DTX3: variants seen among roughly 807,000 people sequenced by gnomAD.
DTX3 encodes E3 ubiquitin-protein ligase DTX3.
DTX3 carries 10 observed loss-of-function variants against 27.4 expected under a neutral mutation model. The observed-to-expected ratio is 0.36, with a 90% confidence interval of 0.22 to 0.62. DTX3 has a LOEUF of 0.62. Ranked by LOEUF, DTX3 falls within the 20% of genes least tolerant of loss-of-function variation. DTX3 has a pLI of 0.68. For missense variants in DTX3, 319 were observed against 463.8 expected (o/e 0.69, Z 2.87); for synonymous variants, 171 against 190.7 (o/e 0.90, Z 0.85).
At position 57,607,603 on chromosome 12, in the gene DTX3, G is replaced by C; in HGVS notation, c.740G>C (p.Gly247Ala). ...TIVIQYVFPP[G>A]VQGAEHPNPG... ...GTCATCCAGTACGTCTTCCCGCCCG[G>C]TGTCCAGGGGGTAAGAAGACCATGG... is the stretch of plus-strand genomic sequence containing the variant. The change falls in exon 5 of 7, where the codon GGT (glycine) becomes GCT (alanine). Residue 247 changes from glycine to alanine, a missense_variant. Transcript: ENST00000337737. This position sits in a 1 kb window ranked among gnomAD's most constrained non-coding sequence, Gnocchi z 7.7. 1 of 1,614,112 alleles carries C rather than the reference G, an allele frequency of 6.2e-7. No homozygotes were observed. The highest frequency in any genetic ancestry group is 8.5e-7 in the Non-Finnish European group (1 of 1,180,020).
rs1435195629 is a variant in DTX3, at chr12:57,605,744, A to G, written c.-139+13A>G. On this transcript the variant is annotated intron_variant, in intron 2 of 6. Coordinates refer to ENST00000337737, the MANE Select transcript of DTX3 (RefSeq NM_178502.4). ...CTGGGTTTAAAAGGTGACAATGAGA[A>G]CTTTGTTATTGCAGGGGCTGCTGCC... 6.6e-6 allele frequency: 1 copy of G among 152,208 alleles called. No homozygotes were observed. Among genetic ancestry groups the G allele is most frequent in the Non-Finnish European group, 1.5e-5 (1 of 68,058 alleles). The allele number at this position is 152,208 out of a possible 1,614,324, so 9.4% of individuals were successfully genotyped here.
rs1594954869 is a variant in DTX3 at position 57,609,470 on chromosome 12, A to C, written c.*318A>C. On this transcript the variant is annotated 3_prime_UTR_variant, in exon 7 of 7. Transcript: ENST00000337737. ...TTTCTGGTATGTGCTGTGCTCCACG[A>C]CCAAGCCGAGAAAGGACCTAGGGTG... 3.5e-6 allele frequency: 1 copy of C among 287,430 alleles called. No individual in the cohort carries two copies. Among genetic ancestry groups the C allele is most frequent in the Non-Finnish European group, 6.7e-6 (1 of 149,854 alleles). 17.8% of individuals were successfully genotyped at this position (287,430 alleles called of 1,614,324 possible).
intron 1 of DTX3, chr12:57,605,250 G>A (rs1883666504): frequency 6.6e-6 from 1 of 152,318 alleles, no homozygotes; most frequent in Non-Finnish European, 1.5e-5. Flanking sequence ...CTGTCTGGAG[G>A]GAGAGACTGG....
At chr12:57,606,405 GGGTTTCTCACTTTCC>G in intron 3 of DTX3, 23 bp from the exon 4 acceptor site, 1 of 1,534,378 alleles carries the variant, frequency 6.5e-7, no homozygotes, top group African/African-American at 1.4e-5. Context: ...TTGGGAGAAG[GGGTTTCTCACTTTCC>G]TTCCATTTTT....
chr12:57,608,192 T>C lies in DTX3; in HGVS notation c.751-328T>C, dbSNP rs1265233017. Among the ~76,000 whole-genome samples, 1 of 152,236 alleles carries C rather than the reference T, an allele frequency of 6.6e-6. No individual in the cohort carries two copies. The highest frequency in any genetic ancestry group is 1.9e-4 in the East Asian group (1 of 5,204). ...GGGAAGGCTGAAAGATAGATTATTC[T>C]GTCTTCACATTTTTGCTGAGTTGTC... On this transcript the variant is annotated intron_variant, in intron 5 of 6. Coordinates refer to ENST00000337737, the MANE Select transcript of DTX3 (RefSeq NM_178502.4). The surrounding 1 kb of genome is among the most constrained non-coding windows in gnomAD (Gnocchi z 6.1).
Position 57,608,874 on chromosome 12 carries a change from C to T in DTX3, c.968+137C>T. ...CCAAACTGTTCAGCCATCTCAGTTTCTCCTACATTCAACCTGGTCCTGGTG... is the reference window on the plus strand; with the variant it reads ...CCAAACTGTTCAGCCATCTCAGTTTTTCCTACATTCAACCTGGTCCTGGTG... On this transcript the variant is annotated intron_variant, in intron 6 of 6. Transcript: ENST00000337737. This position sits in a 1 kb window ranked among gnomAD's most constrained non-coding sequence, Gnocchi z 6.1. The T allele has an allele frequency of 8.5e-7, 1 of 1,171,180 alleles. No individual in the cohort carries two copies. The highest frequency in any genetic ancestry group is 1.2e-6 in the Non-Finnish European group (1 of 803,340). The allele number at this position is 1,171,180 out of a possible 1,614,324, so 72.5% of individuals were successfully genotyped here. A position where few individuals can be genotyped will look rare whatever the true frequency, so the allele number is the denominator to read the frequency against.
Position 57,608,617 on chromosome 12 carries a change from G to A in DTX3, c.848G>A (p.Arg283His). Residue 283 changes from arginine to histidine, a missense_variant, in exon 6 of 7, where the codon CGC becomes CAC. Arg to His is a conservative substitution (Grantham distance 29). Coordinates refer to ENST00000337737, the MANE Select transcript of DTX3 (RefSeq NM_178502.4). The surrounding 1 kb of genome is among the most constrained non-coding windows in gnomAD (Gnocchi z 6.1). ...GGCAACAAGGTGCTGACCCTGTTCC[G>A]CAAGGCGTTTGACCAGCGTCTCACC... ...PEGNKVLTLFRKAFDQRLTFT... is the reference protein window; with the variant it reads ...PEGNKVLTLFHKAFDQRLTFT... 2 of 1,614,166 alleles carry A rather than the reference G, an allele frequency of 1.2e-6. No homozygotes were observed. Among genetic ancestry groups the A allele is most frequent in the Non-Finnish European group, 1.7e-6 (2 of 1,180,026 alleles).
rs376657147 is a variant in DTX3, at chr12:57,608,624, G to A, written c.855G>A (p.Ala285=). 1.9e-5 allele frequency: 30 copies of A among 1,614,088 alleles called. No individual in the cohort carries two copies. Among genetic ancestry groups the A allele is most frequent in the East Asian group, 2.2e-5 (1 of 44,902 alleles). Residue 285 remains alanine (A), a synonymous_variant, in exon 6 of 7, where the codon GCG becomes GCA. Transcript: ENST00000337737. The surrounding 1 kb of genome is among the most constrained non-coding windows in gnomAD (Gnocchi z 6.1). Reference sequence around the variant, plus strand: ...AGGTGCTGACCCTGTTCCGCAAGGCGTTTGACCAGCGTCTCACCTTCACTA... The same window carrying A: ...AGGTGCTGACCCTGTTCCGCAAGGCATTTGACCAGCGTCTCACCTTCACTA... ...GNKVLTLFRK[A]FDQRLTFTIG...
At chr12:57,609,040 GC>G (rs1344242330) in intron 6 of DTX3, 36 bp from the exon 7 acceptor site, 6 of 1,594,078 alleles carry the variant, frequency 3.8e-6, no homozygotes, top group Non-Finnish European at 4.3e-6. Context: ...AGTTCAAACA[GC>G]TAACAACCCT....
Position 57,607,613 on chromosome 12 carries a change from G to T in DTX3, c.750G>T (p.Gly250=). The T allele has an allele frequency of 1.2e-6, 2 of 1,614,066 alleles. No homozygotes were observed. The highest frequency in any genetic ancestry group is 1.7e-6 in the Non-Finnish European group (2 of 1,180,012). ...ACGTCTTCCCGCCCGGTGTCCAGGG[G>T]GTAAGAAGACCATGGCCTGCCCTTA... The part of the protein sequence containing the change: ...IQYVFPPGVQ[G]AEHPNPGVRY... Residue 250 remains glycine, a splice_region_variant and synonymous_variant, in exon 5 of 7, where the codon GGG becomes GGT. Coordinates refer to ENST00000337737, the MANE Select transcript of DTX3 (RefSeq NM_178502.4). This position sits in a 1 kb window ranked among gnomAD's most constrained non-coding sequence, Gnocchi z 7.7.
rs1565722538 is a variant in DTX3 at position 57,608,657 on chromosome 12, G to A, written c.888G>A (p.Thr296=). 4 of 1,614,132 alleles carry A rather than the reference G, an allele frequency of 2.5e-6. No individual in the cohort carries two copies. Among genetic ancestry groups the A allele is most frequent in the African/African-American group, 2.7e-5 (2 of 75,034 alleles). Residue 296 remains threonine, a synonymous_variant, in exon 6 of 7, where the codon ACG becomes ACA. Coordinates refer to ENST00000337737, the MANE Select transcript of DTX3 (RefSeq NM_178502.4). The surrounding 1 kb of genome is among the most constrained non-coding windows in gnomAD (Gnocchi z 6.1). The part of the protein sequence containing the change: ...FDQRLTFTIG[T]SMTTGRPNVI... ...AGCGTCTCACCTTCACTATCGGCAC[G>A]TCCATGACCACAGGGAGACCGAATG...
rs138250372 is a variant in DTX3, at chr12:57,608,200, C to T, written c.751-320C>T. ...TGAAAGATAGATTATTCTGTCTTCA[C>T]ATTTTTGCTGAGTTGTCTGGAGTGT... On this transcript the variant is annotated intron_variant, in intron 5 of 6. Transcript: ENST00000337737. The surrounding 1 kb of genome is among the most constrained non-coding windows in gnomAD (Gnocchi z 6.1). 1.5e-3 allele frequency among the ~76,000 whole-genome samples: 221 copies of T among 152,294 alleles called. No individual in the cohort carries two copies. Among genetic ancestry groups the T allele is most frequent in the African/African-American group, 5.2e-3 (217 of 41,560 alleles).
chr12:57,606,777 G>C, intron 4 of DTX3, 88 bp from the exon 5 acceptor site: 3 of 1,491,958 alleles, frequency 2.0e-6, no homozygotes, highest in Middle Eastern at 1.8e-4. Flanking sequence ...AGAGGTAATA[G>C]AGGGTTTGGA....
At position 57,607,030 on chromosome 12, in the gene DTX3, A is replaced by T; in HGVS notation, c.167A>T (p.Asp56Val). 6.2e-7 allele frequency: 1 copy of T among 1,614,140 alleles called. No individual in the cohort carries two copies. The highest frequency in any genetic ancestry group is 8.5e-7 in the Non-Finnish European group (1 of 1,180,012). ...ATCCTCATAGATGGCGAGACTTCTG[A>T]CATCTATGTTCTCCAGCTTTCCCCA... is the stretch of plus-strand genomic sequence containing the variant. Reference protein sequence around the residue: ...VSILIDGETSDIYVLQLSPQG... With the variant: ...VSILIDGETSVIYVLQLSPQG... Residue 56 changes from aspartate to valine, a missense_variant, in exon 5 of 7, where the codon GAC becomes GTC. Physicochemically the swap from Asp to Val is radical, Grantham distance 152. Coordinates refer to ENST00000337737, the MANE Select transcript of DTX3 (RefSeq NM_178502.4). The surrounding 1 kb of genome is among the most constrained non-coding windows in gnomAD (Gnocchi z 7.7).
Position 57,608,794 on chromosome 12 carries a change from T to C in DTX3, c.968+57T>C, listed in dbSNP as rs1883871101. 1 of 1,583,424 alleles carries C rather than the reference T, an allele frequency of 6.3e-7. No homozygotes were observed. On this transcript the variant is annotated intron_variant, in intron 6 of 6. Coordinates refer to ENST00000337737, the MANE Select transcript of DTX3 (RefSeq NM_178502.4). The surrounding 1 kb of genome is among the most constrained non-coding windows in gnomAD (Gnocchi z 6.1). ...CTCCTCCCCTTTGTTCCATTTCCACTGAGGGACCCACCAACCCCTCGCTCA... is the reference window on the plus strand; with the variant it reads ...CTCCTCCCCTTTGTTCCATTTCCACCGAGGGACCCACCAACCCCTCGCTCA...
In DTX3 at chr12:57,609,134, G is replaced by A. The variant is rs773596800; in HGVS notation, c.1026G>A (p.Lys342=). ...GGGTGCAAGAGGAGCTGAGAGCGAA[G>A]GGTATCACAGATGACTGAAGGACAT... ...LTRVQEELRA[K]GITDD The change falls in exon 7 of 7, where the codon AAG becomes AAA. Residue 342 remains lysine (K), a synonymous_variant. Transcript: ENST00000337737. 1.2e-6 allele frequency: 2 copies of A among 1,614,164 alleles called. No homozygotes were observed. Among genetic ancestry groups the A allele is most frequent in the Admixed American group, 3.3e-5 (2 of 60,018 alleles).
At chr12:57,606,605 T>C (rs1013426483) in intron 4 of DTX3, 87 bp downstream of exon 4, 5 of 1,548,628 alleles carry the variant, frequency 3.2e-6, no homozygotes, top group African/African-American at 1.4e-5. Flanking sequence ...GTTGTTTCTA[T>C]GATCTGGGAG....
rs1313649543 is a variant in DTX3, at chr12:57,608,546, G to T, written c.777G>T (p.Arg259=). 1.9e-6 allele frequency: 3 copies of T among 1,606,578 alleles called. No individual in the cohort carries two copies. In the Admixed American group the frequency reaches 5.0e-5, roughly 27 times the overall value. ...CTGAACACCCAAACCCAGGAGTTCG[G>T]TATCCTGGCACCACACGGGTGGCCT... is the stretch of plus-strand genomic sequence containing the variant. ...QGAEHPNPGV[R]YPGTTRVAYL... The change falls in exon 6 of 7, where the codon CGG becomes CGT. Residue 259 remains arginine, a synonymous_variant. Coordinates refer to ENST00000337737, the MANE Select transcript of DTX3 (RefSeq NM_178502.4). This position sits in a 1 kb window ranked among gnomAD's most constrained non-coding sequence, Gnocchi z 6.1.
chr12:57,609,666 C>G lies in DTX3; in HGVS notation c.*514C>G, dbSNP rs568185215. 1 of 167,210 alleles carries G rather than the reference C, an allele frequency of 6.0e-6. No individual in the cohort carries two copies. Among genetic ancestry groups the G allele is most frequent in the Admixed American group, 5.5e-5 (1 of 18,082 alleles). 10.4% of individuals were successfully genotyped at this position (167,210 alleles called of 1,614,324 possible). A position where few individuals can be genotyped will look rare whatever the true frequency, so the allele number is the denominator to read the frequency against. ...CTCCCTTAACCTTGTCCTTTCTCTC[C>G]TGTGTCTCAGTCTCCGTCAGTCTGT... On this transcript the variant is annotated 3_prime_UTR_variant, in exon 7 of 7. Transcript: ENST00000337737.
Sources: gnomAD v4.1 joint callset for allele counts (sites outside exome capture counted in the v4.1 genomes callset) on GRCh38, gnomAD v4.1.1 for gene constraint, Gnocchi (gnomAD v3.1) non-coding constraint, MANE v1.5 for transcripts, NCBI Gene and HGNC (gene_info 2026-07-23, HGNC 2026-07-21) for gene names.